The following PFKFB4 variants were observed in gnomAD, a reference collection of about 807,000 sequenced individuals.
PFKFB4 encodes the protein 6-phosphofructo-2-kinase/fructose-2,6-biphosphatase 4, also known as 6-phosphofructo-2-kinase/fructose-2,6-bisphosphatase 4.
Under a neutral mutation model 62.8 loss-of-function variants are expected in PFKFB4, and 42 were observed. The observed-to-expected ratio is 0.67, with a 90% CI of 0.52 to 0.86. PFKFB4 has a LOEUF of 0.86. Among genes scored for constraint, PFKFB4 ranks in the 40% least tolerant of loss-of-function variants. PFKFB4 has a pLI of 0.00. For missense variants in PFKFB4, 475 were observed against 627.2 expected (o/e 0.76, Z 2.59); for synonymous variants, 204 against 240.7 (o/e 0.85, Z 1.41).
rs1464694976 is a variant in PFKFB4, at chr3:48,543,595, C to A, written c.363G>T (p.Glu121Asp). The change falls in exon 4 of 14, where the codon GAG becomes GAT. Residue 121 changes from glutamate to aspartate, a missense_variant. Transcript: ENST00000232375. ...LRDVRRFLSE[E>D]GGHVAVFDAT... ...TCACACTCACCGCCACATGTCCCCCCTCCTCACTAAGGAACCGCCGGACGT... is the reference window on the plus strand; with the variant it reads ...TCACACTCACCGCCACATGTCCCCCATCCTCACTAAGGAACCGCCGGACGT... The A allele has an allele frequency of 6.2e-7, 1 of 1,610,824 alleles. No homozygotes were observed. The highest frequency in any genetic ancestry group is 1.1e-5 in the South Asian group (1 of 89,960).
chr3:48,523,871 C>T (rs772888111), intron 10 of PFKFB4, 41 bp from the exon 11 acceptor site: 13 of 1,596,394 alleles, frequency 8.1e-6, no homozygotes, highest in Admixed American at 6.8e-5. Context: ...GGCCTGGCTC[C>T]GGGGGAGGGA....
chr3:48,523,122 C>G (rs1480870958), intron 12 of PFKFB4, among the ~76,000 whole-genome samples: 1 of 151,758 alleles, frequency 6.6e-6, no homozygotes, highest in Non-Finnish European at 1.5e-5. Context: ...TGGTAGCTCA[C>G]GCCTGTAATC....
In PFKFB4 at chr3:48,550,190, G is replaced by T; in HGVS notation, c.142C>A (p.Pro48Thr). The T allele has an allele frequency of 1.2e-6, 2 of 1,614,138 alleles. No homozygotes were observed. The highest frequency in any genetic ancestry group is 1.6e-4 in the Middle Eastern group (1 of 6,062). The stretch of plus-strand genomic sequence containing the variant: ...GAGATGTAGGTCTTGCCCCTGGCGG[G>T]CAGGCCCACCATGACAATGAGAGTT... ...CPTLIVMVGL[P>T]ARGKTYISKK... Residue 48 changes from proline to threonine, a missense_variant, in exon 2 of 14, where the codon CCC becomes ACC. Pro to Thr is a conservative substitution (Grantham distance 38). Coordinates refer to ENST00000232375, the MANE Select transcript of PFKFB4 (RefSeq NM_004567.4).
At position 48,519,739 on chromosome 3, in the gene PFKFB4, G is replaced by C; in HGVS notation, c.*8C>G. The stretch of plus-strand genomic sequence containing the variant: ...TGCCTGCCTAGTGGTCACAGTGGAT[G>C]AACATGGTCACTGGTGAGCAGGCAC... On this transcript the variant is annotated 3_prime_UTR_variant, in exon 14 of 14. Transcript: ENST00000232375. 4 of 1,609,888 alleles carry C rather than the reference G, an allele frequency of 2.5e-6. No homozygotes were observed. Among genetic ancestry groups the C allele is most frequent in the Non-Finnish European group, 3.4e-6 (4 of 1,176,612 alleles).
chr3:48,560,552 A>G (rs1248084670), upstream of PFKFB4, among the ~76,000 whole-genome samples: 1 of 152,268 alleles, frequency 6.6e-6, no homozygotes, highest in Non-Finnish European at 1.5e-5. Flanking sequence ...CAGCAAGGGC[A>G]CACAGAAAGG....
At chr3:48,525,369 G>A (rs554583719) in intron 10 of PFKFB4, among the ~76,000 whole-genome samples, 196 bp downstream of exon 10, 2 of 152,246 alleles carry the variant, frequency 1.3e-5, no homozygotes, top group African/African-American at 2.4e-5. Flanking sequence ...CTCCACACCT[G>A]AGGAAGGGAC....
chr3:48,526,940 C>CAA (rs777088751), intron 9 of PFKFB4, among the ~76,000 whole-genome samples: 11 of 65,702 alleles, frequency 1.7e-4, no homozygotes, highest in African/African-American at 3.0e-4. Flanking sequence ...GACTCCATCT[C>CAA]AAAAAAAAAA....
At chr3:48,561,425 C>T (rs966206780), upstream of PFKFB4, among the ~76,000 whole-genome samples, 5 of 152,276 alleles carry the variant, frequency 3.3e-5, no homozygotes, top group Non-Finnish European at 5.9e-5. This position sits in a 1 kb window ranked among gnomAD's most constrained non-coding sequence, Gnocchi z 5.2. Context: ...GCCCCCTCTG[C>T]GGGCAAGCCC....
chr3:48,525,200 ACT>A (rs1184590077), intron 10 of PFKFB4, among the ~76,000 whole-genome samples: 1 of 152,120 alleles, frequency 6.6e-6, no homozygotes, highest in Non-Finnish European at 1.5e-5. Flanking sequence ...GGGACCGCAC[ACT>A]GTCTACAGGG....
chr3:48,549,503 C>CGACCT (rs10633208), intron 3 of PFKFB4, among the ~76,000 whole-genome samples: 3,069 of 151,898 alleles, frequency 0.02, 93 homozygotes, highest in African/African-American at 0.07. Context: ...GCAGCTCCAA[C>CGACCT]GACCTGCATG....
At chr3:48,550,076 G>T in intron 2 of PFKFB4, 42 bp downstream of exon 2, 4 of 1,476,322 alleles carry the variant, frequency 2.7e-6, no homozygotes, top group Middle Eastern at 1.7e-4. Flanking sequence ...TCTTCGTCAT[G>T]CCCCACAAAG....
intron 1 of PFKFB4, among the ~76,000 whole-genome samples, chr3:48,552,060 G>A (rs1327462050): frequency 1.3e-5 from 2 of 152,326 alleles, no homozygotes; most frequent in East Asian, 1.9e-4. Flanking sequence ...TCAGAGCACA[G>A]AGGCCCCAGA....
At chr3:48,552,891 G>A (rs1157337593) in intron 1 of PFKFB4, among the ~76,000 whole-genome samples, 1 of 152,134 alleles carries the variant, frequency 6.6e-6, no homozygotes, top group African/African-American at 2.4e-5. Context: ...ATCAGGCCTG[G>A]GTGCAAAACA....
chr3:48,538,441 G>T, intron 7 of PFKFB4, 57 bp downstream of exon 7: 1 of 1,599,532 alleles, frequency 6.3e-7, no homozygotes, highest in Non-Finnish European at 8.5e-7. Flanking sequence ...AGGCAGCCAA[G>T]TATGACCCCT....
chr3:48,535,149 C>T (rs1396148675), intron 9 of PFKFB4, among the ~76,000 whole-genome samples: 1 of 152,186 alleles, frequency 6.6e-6, no homozygotes, highest in East Asian at 1.9e-4. Flanking sequence ...TGCTGGTTCA[C>T]CTCATTTGTG....
At chr3:48,557,366 C>T (rs1252726232), upstream of PFKFB4, among the ~76,000 whole-genome samples, 1 of 152,232 alleles carries the variant, frequency 6.6e-6, no homozygotes, top group African/African-American at 2.4e-5. Flanking sequence ...CTGCGCCCTC[C>T]TGCCCCTCCT....
upstream of PFKFB4, chr3:48,559,689 C>T (rs1487909865): frequency 7.0e-5 from 31 of 440,700 alleles, 1 homozygote; most frequent in South Asian, 4.7e-4. Flanking sequence ...TCTGTACACA[C>T]GTGTGAACAT....
rs759066512 is a variant in PFKFB4, at chr3:48,521,852, G to C, written c.1350+134C>G. Reference sequence around the variant, plus strand: ...GAGCCAGGGCCCCGCCCTGCTGATGGGACAACAGTCTTGGCAGAAGACTCA... The same window carrying C: ...GAGCCAGGGCCCCGCCCTGCTGATGCGACAACAGTCTTGGCAGAAGACTCA... On this transcript the variant is annotated intron_variant, in intron 13 of 13. Coordinates refer to ENST00000232375, the MANE Select transcript of PFKFB4 (RefSeq NM_004567.4). This position sits in a 1 kb window ranked among gnomAD's most constrained non-coding sequence, Gnocchi z 5.3. 7.6e-6 allele frequency: 6 copies of C among 788,022 alleles called. No homozygotes were observed. Among genetic ancestry groups the C allele is most frequent in the Admixed American group, 2.0e-5 (1 of 51,020 alleles). 48.8% of individuals were successfully genotyped at this position (788,022 alleles called of 1,614,324 possible). A position where few individuals can be genotyped will look rare whatever the true frequency, so the allele number is the denominator to read the frequency against.
intron 9 of PFKFB4, among the ~76,000 whole-genome samples, chr3:48,530,235 A>G (rs1197236228): frequency 6.6e-6 from 1 of 152,202 alleles, no homozygotes; most frequent in Non-Finnish European, 1.5e-5. Context: ...CCTGGGAAAC[A>G]GAGTGAGATT....
Sources: allele counts gnomAD v4.1 joint callset (sites outside exome capture counted in the v4.1 genomes callset), GRCh38; gene constraint gnomAD v4.1.1; non-coding constraint Gnocchi (gnomAD v3.1); transcripts MANE v1.5; gene names NCBI Gene and HGNC (gene_info 2026-07-23, HGNC 2026-07-21).